Variants in ANKS1B observed in about 807,000 individuals in gnomAD.
ANKS1B encodes the protein ankyrin repeat and sterile alpha motif domain-containing protein 1B.
ANKS1B carries 36 observed loss-of-function variants against 148.3 expected under a neutral mutation model. The ratio of observed to expected loss-of-function variants is 0.24; its 90% confidence interval spans 0.19 to 0.32. ANKS1B has a LOEUF of 0.32. Among genes scored for constraint, ANKS1B ranks in the 10% least tolerant of loss-of-function variants. The pLI is 1.00. For synonymous variants in ANKS1B, 542 were observed against 560.8 expected (o/e 0.97, Z 0.47); for missense variants, 1,157 against 1,542.6 (o/e 0.75, Z 4.19).
chr12:99,225,948 A>G (rs2085866640), intron 14 of ANKS1B, among the ~76,000 whole-genome samples: 2 of 152,248 alleles, frequency 1.3e-5, no homozygotes, highest in African/African-American at 4.8e-5. Flanking sequence ...GAACCCTAAT[A>G]CATGGATTAT....
At chr12:99,773,131 T>A (rs371629552) in intron 7 of ANKS1B, 43 bp from the exon 8 acceptor site, 322 of 1,521,380 alleles carry the variant, frequency 2.1e-4, no homozygotes, top group Non-Finnish European at 2.8e-4. Context: ...AAGGCTATTG[T>A]TAAAACTTAA....
intron 9 of ANKS1B, among the ~76,000 whole-genome samples, chr12:99,511,093 C>A (rs1348314470): frequency 6.6e-6 from 1 of 151,954 alleles, no homozygotes; most frequent in East Asian, 1.9e-4. Flanking sequence ...GCATCCTTGT[C>A]ATGTGCTGGT....
At chr12:99,893,512 A>G (rs1565943231) in intron 1 of ANKS1B, among the ~76,000 whole-genome samples, 2 of 152,150 alleles carry the variant, frequency 1.3e-5, no homozygotes, top group African/African-American at 4.8e-5. Flanking sequence ...TGGTGAATCA[A>G]GTTTTTACTA....
At chr12:98,845,228 C>CTGG (rs1226178436) in intron 17 of ANKS1B, among the ~76,000 whole-genome samples, 4 of 152,182 alleles carry the variant, frequency 2.6e-5, no homozygotes, top group Admixed American at 1.3e-4. Context: ...AATGAATTAA[C>CTGG]TGAGGTTCAG....
intron 1 of ANKS1B, among the ~76,000 whole-genome samples, chr12:99,935,513 G>C (rs978522537): frequency 2.6e-5 from 4 of 152,046 alleles, no homozygotes; most frequent in African/African-American, 9.7e-5. Flanking sequence ...TTCCTCTTAA[G>C]CATAGGGCCC....
chr12:98,992,161 C>G, intron 17 of ANKS1B, among the ~76,000 whole-genome samples: 1 of 152,116 alleles, frequency 6.6e-6, no homozygotes, highest in Non-Finnish European at 1.5e-5. Context: ...CAAATTCTAG[C>G]CACACGGACC....
intron 17 of ANKS1B, among the ~76,000 whole-genome samples, chr12:98,987,224 TAAG>T (rs1326452224): frequency 1.3e-5 from 2 of 151,864 alleles, no homozygotes; most frequent in Non-Finnish European, 2.9e-5. Context: ...GCATACAAGA[TAAG>T]AAGTTTGAGC....
chr12:99,096,349 A>G (rs979320650), intron 15 of ANKS1B, among the ~76,000 whole-genome samples: 2 of 151,818 alleles, frequency 1.3e-5, no homozygotes, highest in Non-Finnish European at 1.5e-5. Flanking sequence ...TCTTGAAGAC[A>G]TTTTTCTTAA....
At chr12:99,353,076 G>C (rs564762163) in intron 12 of ANKS1B, among the ~76,000 whole-genome samples, 2 of 151,884 alleles carry the variant, frequency 1.3e-5, no homozygotes, top group Non-Finnish European at 2.9e-5. Flanking sequence ...CCCAAGCCCC[G>C]GTTACCCTTC....
chr12:98,868,971 A>G (rs1462275157), intron 17 of ANKS1B, among the ~76,000 whole-genome samples: 1 of 152,152 alleles, frequency 6.6e-6, no homozygotes, highest in Non-Finnish European at 1.5e-5. Context: ...TGTTTTGTAG[A>G]AAAAAACCAC....
At chr12:98,915,686 G>T (rs952015347) in intron 17 of ANKS1B, among the ~76,000 whole-genome samples, 2 of 152,086 alleles carry the variant, frequency 1.3e-5, no homozygotes, top group African/African-American at 2.4e-5. Context: ...GGACCAACCT[G>T]GGTGTGTTAC....
rs574400047 is a variant in ANKS1B, at chr12:99,347,673, A to G, written c.1756+51958T>C. On this transcript the variant is annotated intron_variant, in intron 12 of 26. Transcript: ENST00000683438. ...AAATACTGTCAGTAAAAAATTAGAA[A>G]AGTCACTAAACATACAAGTACAACC... Among the ~76,000 whole-genome samples, 101 of 152,154 alleles carry G rather than the reference A, an allele frequency of 6.6e-4. 1 individual carries two copies. Among genetic ancestry groups the G allele is most frequent in the African/African-American group, 2.4e-3 (99 of 41,554 alleles).
chr12:99,463,048 T>C (rs191659688), intron 10 of ANKS1B, among the ~76,000 whole-genome samples: 1 of 152,278 alleles, frequency 6.6e-6, no homozygotes, highest in Admixed American at 6.5e-5. Context: ...AGGTATTCCT[T>C]TACAGCAATA....
intron 12 of ANKS1B, among the ~76,000 whole-genome samples, chr12:99,368,839 T>G (rs1194237170): frequency 6.6e-6 from 1 of 152,148 alleles, no homozygotes; most frequent in African/African-American, 2.4e-5. Flanking sequence ...ATATCGCACC[T>G]TTTTGGGAAA....
At chr12:99,786,831 A>G (rs1024467928) in intron 4 of ANKS1B, among the ~76,000 whole-genome samples, 10 of 152,242 alleles carry the variant, frequency 6.6e-5, no homozygotes, top group South Asian at 2.1e-4. Context: ...AAAATTATAA[A>G]TTACTGAATG....
intron 19 of ANKS1B, among the ~76,000 whole-genome samples, chr12:98,817,878 T>C (rs557764164): frequency 9.2e-5 from 14 of 152,204 alleles, no homozygotes; most frequent in Non-Finnish European, 1.8e-4. Flanking sequence ...GTGGGGAGGA[T>C]TTTTGGACAG....
rs115019926 is a variant in ANKS1B at position 99,705,650 on chromosome 12, G to T, written c.1129-50440C>A. On this transcript the variant is annotated intron_variant, in intron 8 of 26. Transcript: ENST00000683438. The stretch of plus-strand genomic sequence containing the variant: ...CATTTGCATGAAATTACTGGGAGAT[G>T]TGCTGCATAAAACAAGAAAAGGCAT... Among the ~76,000 whole-genome samples the T allele has an allele frequency of 3.9e-3, 597 of 152,224 alleles. 9 individuals are homozygous for T. Among genetic ancestry groups the T allele is most frequent in the African/African-American group, 0.014 (568 of 41,566 alleles).
chr12:99,805,187 G>A (rs549750701), intron 4 of ANKS1B, among the ~76,000 whole-genome samples: 4 of 132,762 alleles, frequency 3.0e-5, no homozygotes, highest in Admixed American at 1.7e-4. Context: ...ATGACAGAAA[G>A]CAAAAAAGTC....
intron 17 of ANKS1B, among the ~76,000 whole-genome samples, chr12:98,944,303 A>C (rs1597358494): frequency 9.7e-5 from 1 of 10,338 alleles, no homozygotes; most frequent in African/African-American, 2.4e-4. Context: ...TCCACCTCAC[A>C]AAAAAAAAAA....
Sources: allele counts gnomAD v4.1 joint callset (sites outside exome capture counted in the v4.1 genomes callset), GRCh38; gene constraint gnomAD v4.1.1; transcripts MANE v1.5; gene names NCBI Gene and HGNC (gene_info 2026-07-23, HGNC 2026-07-21).